Variants in ADGRA2 observed in about 807,000 individuals in gnomAD.
ADGRA2 encodes the protein G-protein coupled receptor 124.
ADGRA2 carries 61 observed loss-of-function variants against 98.7 expected under a neutral mutation model. The observed-to-expected ratio is 0.62, with a 90% CI of 0.50 to 0.76. The LOEUF is 0.76. Ranked by LOEUF, ADGRA2 falls within the 30% of genes least tolerant of loss-of-function variation. The pLI is 0.00. For synonymous variants in ADGRA2, 858 were observed against 831.5 expected (o/e 1.03, Z -0.55); for missense variants, 1,712 against 1,860.0 (o/e 0.92, Z 1.46).
chr8:37,825,188 C>T (rs1226530724), intron 2 of ADGRA2, among the ~76,000 whole-genome samples: 1 of 152,176 alleles, frequency 6.6e-6, no homozygotes, highest in East Asian at 1.9e-4. Flanking sequence ...CTTCCACAAG[C>T]TACTCTAGCT....
At chr8:37,817,604 G>C (rs889728712) in intron 2 of ADGRA2, among the ~76,000 whole-genome samples, 1 of 152,134 alleles carries the variant, frequency 6.6e-6, no homozygotes, top group African/African-American at 2.4e-5. Flanking sequence ...AGCTACTCAG[G>C]AGGCTGAGGT....
chr8:37,829,231 A>G (rs6468442), intron 3 of ADGRA2, 30 bp from the exon 4 acceptor site: 1,271,415 of 1,586,536 alleles, frequency 0.8, 511,766 homozygotes, highest in African/African-American at 0.95. Context: ...CCACGTGGCC[A>G]ACATGCTGAG....
rs1465612361 is a variant in ADGRA2 at position 37,834,329 on chromosome 8, TG to T, written c.1608+203del. On this transcript the variant is annotated intron_variant, in intron 11 of 18. Coordinates refer to ENST00000412232, the MANE Select transcript of ADGRA2 (RefSeq NM_032777.10). This position sits in a 1 kb window ranked among gnomAD's most constrained non-coding sequence, Gnocchi z 4.2. ...CCTGGAGAAGTGATGCCAGACTCCG[TG>T]GTGGGGAACTGAGCCAAAGGGCCAG... Among the ~76,000 whole-genome samples the T allele has an allele frequency of 1.3e-5, 2 of 151,942 alleles. No homozygotes were observed. The highest frequency in any genetic ancestry group is 4.8e-5 in the African/African-American group (2 of 41,352).
intron 1 of ADGRA2, among the ~76,000 whole-genome samples, chr8:37,812,205 A>G (rs913814167): frequency 6.6e-5 from 10 of 152,070 alleles, no homozygotes; most frequent in African/African-American, 2.4e-4. Context: ...GCTCTCTGTT[A>G]AAGAATTTGG....
rs781244617 is a variant in ADGRA2, at chr8:37,828,965, T to C, written c.410+6T>C. ...CTGGGGGAGCTGAAGCGTTTGTGAG[T>C]GGCACGCCCTCCCCTGACCCCACCC... On this transcript the variant is annotated splice_donor_region_variant and intron_variant, in intron 3 of 18. Transcript: ENST00000412232. The C allele has an allele frequency of 6.4e-7, 1 of 1,561,604 alleles. No homozygotes were observed. The highest frequency in any genetic ancestry group is 1.9e-5 in the Admixed American group (1 of 52,796).
At position 37,841,605 on chromosome 8, in the gene ADGRA2, C is replaced by T; in HGVS notation, c.3267C>T (p.Pro1089=). ...GCGCCTGCTGCCCCCCTGCCTCTCC[C>T]GCGGCCCCCCATGCCCCGCCCCGGG... ...SWRACCPPAS[P]AAPHAPPRAL... The change falls in exon 19 of 19, where the codon CCC becomes CCT. Residue 1089 remains proline, a synonymous_variant. Transcript: ENST00000412232. This position sits in a 1 kb window ranked among gnomAD's most constrained non-coding sequence, Gnocchi z 5.0. 6.4e-7 allele frequency: 1 copy of T among 1,563,894 alleles called. No homozygotes were observed. Among genetic ancestry groups the T allele is most frequent in the Non-Finnish European group, 8.7e-7 (1 of 1,154,912 alleles).
chr8:37,817,043 T>C (rs1805002320), intron 2 of ADGRA2, among the ~76,000 whole-genome samples: 1 of 150,312 alleles, frequency 6.7e-6, no homozygotes, highest in African/African-American at 2.5e-5. Flanking sequence ...TCACAGGTAA[T>C]GGAGACACAG....
rs201573429 is a variant in ADGRA2, at chr8:37,838,717, G to GCT, written c.2260-238_2260-237dup. On this transcript the variant is annotated intron_variant, in intron 14 of 18. Coordinates refer to ENST00000412232, the MANE Select transcript of ADGRA2 (RefSeq NM_032777.10). ...TTTCTCCTCATCTCTGGTTTTTCAG[G>GCT]CTGAGGGTGTGAAGAGTCCTCAGCA... is the stretch of plus-strand genomic sequence containing the variant. Among the ~76,000 whole-genome samples the GCT allele has an allele frequency of 3.4e-3, 512 of 152,228 alleles. 18 individuals are homozygous for GCT. In the East Asian group the frequency reaches 0.061, roughly 18 times the overall value.
rs578083947 is a variant in ADGRA2 at position 37,839,483 on chromosome 8, G to A, written c.2388-16G>A. On this transcript the variant is annotated splice_polypyrimidine_tract_variant and intron_variant, in intron 15 of 18. Transcript: ENST00000412232. ...TTGGGTTGGACGGCCATTAATTCGA[G>A]ACTGTTTCCGGGCAGCTCCATCCGT... is the stretch of plus-strand genomic sequence containing the variant. The A allele has an allele frequency of 1.2e-6, 2 of 1,613,920 alleles. No homozygotes were observed. The highest frequency in any genetic ancestry group is 1.7e-5 in the Admixed American group (1 of 59,990).
rs1805902778 is a variant in ADGRA2, at chr8:37,844,187, T to G, written c.*1832T>G. On this transcript the variant is annotated 3_prime_UTR_variant, in exon 19 of 19. Coordinates refer to ENST00000412232, the MANE Select transcript of ADGRA2 (RefSeq NM_032777.10). ...GAGGAGCCGCAGCAGTGTGTCCAAT[T>G]CAAACCAGCAGCAAAGAGCCTGACA... The G allele has an allele frequency of 2.7e-6, 1 of 369,766 alleles. No individual in the cohort carries two copies. Among genetic ancestry groups the G allele is most frequent in the Non-Finnish European group, 5.0e-6 (1 of 199,642 alleles). The allele number at this position is 369,766 out of a possible 1,614,324, so 22.9% of individuals were successfully genotyped here. A position where few individuals can be genotyped will look rare whatever the true frequency, so the allele number is the denominator to read the frequency against.
At chr8:37,840,872 C>CA in intron 18 of ADGRA2, 23 bp downstream of exon 18, 2 of 1,336,310 alleles carry the variant, frequency 1.5e-6, no homozygotes, top group Non-Finnish European at 2.1e-6. Flanking sequence ...CCCTCCCGCC[C>CA]CAAGCCTACC....
Position 37,830,658 on chromosome 8 carries a change from AGCCTCACATGCGTGTGCACTCGG to A in ADGRA2, c.719-44_719-22del. 1.5e-6 allele frequency: 1 copy of A among 689,168 alleles called. No homozygotes were observed. Among genetic ancestry groups the A allele is most frequent in the Admixed American group, 2.5e-5 (1 of 40,114 alleles). The allele number at this position is 689,168 out of a possible 1,614,324, so 42.7% of individuals were successfully genotyped here. A position where few individuals can be genotyped will look rare whatever the true frequency, so the allele number is the denominator to read the frequency against. ...CTGCTGGACTCTCGCTCACACGTGC[AGCCTCACATGCGTGTGCACTCGG>A]GCCTCACGCCTGGTGTCTCCTCCCA... On this transcript the variant is annotated intron_variant, in intron 6 of 18. Coordinates refer to ENST00000412232, the MANE Select transcript of ADGRA2 (RefSeq NM_032777.10). The surrounding 1 kb of genome is among the most constrained non-coding windows in gnomAD (Gnocchi z 4.8).
chr8:37,841,753 C>A lies in ADGRA2; in HGVS notation c.3415C>A (p.Leu1139Met), dbSNP rs1805803112. ...TCTGGGCCCCTGCAAGCTCACCAAC[C>A]TGCAGCTGGCCCAGAGTCAGGTGTG... is the stretch of plus-strand genomic sequence containing the variant. ...LALGPCKLTN[L>M]QLAQSQVCEA... is the part of the protein sequence containing the mutation. The change falls in exon 19 of 19, where the codon CTG (leucine) becomes ATG (methionine). Residue 1139 changes from leucine (L) to methionine (M), a missense_variant. Physicochemically the swap from Leu to Met is conservative, Grantham distance 15 (BLOSUM62 2). Coordinates refer to ENST00000412232, the MANE Select transcript of ADGRA2 (RefSeq NM_032777.10). The surrounding 1 kb of genome is among the most constrained non-coding windows in gnomAD (Gnocchi z 5.0). The A allele has an allele frequency of 6.5e-7, 1 of 1,540,336 alleles. No individual in the cohort carries two copies. Among genetic ancestry groups the A allele is most frequent in the Non-Finnish European group, 8.7e-7 (1 of 1,144,642 alleles).
Position 37,797,039 on chromosome 8 carries a change from GC to G in ADGRA2, c.-227del, listed in dbSNP as rs1804344406. 1.0e-5 allele frequency: 2 copies of G among 191,924 alleles called. No homozygotes were observed. The highest frequency in any genetic ancestry group is 1.4e-4 in the East Asian group (1 of 6,900). 11.9% of individuals were successfully genotyped at this position (191,924 alleles called of 1,614,324 possible). A position where few individuals can be genotyped will look rare whatever the true frequency, so the allele number is the denominator to read the frequency against. On this transcript the variant is annotated 5_prime_UTR_variant, in exon 1 of 19. The change abolishes the stop of an existing upstream ORF in the 5' untranslated region. Transcript: ENST00000412232. The surrounding 1 kb of genome is among the most constrained non-coding windows in gnomAD (Gnocchi z 5.3). ...GACTCCGGCCGCGCAGCTGGGAGCT[GC>G]CCGCGCTGCGCTGACAGCCGCGCCG...
intron 2 of ADGRA2, among the ~76,000 whole-genome samples, chr8:37,819,609 A>T (rs945477545): frequency 6.6e-6 from 1 of 152,050 alleles, no homozygotes; most frequent in Non-Finnish European, 1.5e-5. Context: ...TCACCTTGTG[A>T]TCCGCCCTCC....
Position 37,842,399 on chromosome 8 carries a change from T to C in ADGRA2, c.*44T>C. 7.0e-7 allele frequency: 1 copy of C among 1,429,048 alleles called. No individual in the cohort carries two copies. Among genetic ancestry groups the C allele is most frequent in the Non-Finnish European group, 9.2e-7 (1 of 1,092,888 alleles). 88.5% of individuals were successfully genotyped at this position (1,429,048 alleles called of 1,614,324 possible). A position where few individuals can be genotyped will look rare whatever the true frequency, so the allele number is the denominator to read the frequency against. On this transcript the variant is annotated 3_prime_UTR_variant, in exon 19 of 19. Coordinates refer to ENST00000412232, the MANE Select transcript of ADGRA2 (RefSeq NM_032777.10). ...GTAGACGGGCTGGCCACGCGGCTCG[T>C]TCCCCCGCTCCTCGGGGCCCTCCAA...
rs1805917290 is a variant in ADGRA2, at chr8:37,844,679, G to A, written c.*2324G>A. 1 of 1,614,142 alleles carries A rather than the reference G, an allele frequency of 6.2e-7. No individual in the cohort carries two copies. Among genetic ancestry groups the A allele is most frequent in the African/African-American group, 1.3e-5 (1 of 75,046 alleles). On this transcript the variant is annotated 3_prime_UTR_variant, in exon 19 of 19. Transcript: ENST00000412232. Reference sequence around the variant, plus strand: ...GGGACTTCAACATGCAGGGTGGCAAGAGAAGGGCAGGACTGGCCGGCCGCT... The same window carrying A: ...GGGACTTCAACATGCAGGGTGGCAAAAGAAGGGCAGGACTGGCCGGCCGCT...
rs886882854 is a variant in ADGRA2 at position 37,835,239 on chromosome 8, C to T, written c.1674C>T (p.Cys558=). The T allele has an allele frequency of 1.9e-6, 3 of 1,613,896 alleles. No homozygotes were observed. The African/African-American group carries it at 4.0e-5, about 22-fold the overall frequency. ...IKPHSYVGLT[C]TAFQRREGGV... is the part of the protein sequence containing the mutation. ...CGCACAGCTACGTGGGCCTGACCTGCACAGCCTTCCAGAGGAGGGAGGGAG... is the reference window on the plus strand; with the variant it reads ...CGCACAGCTACGTGGGCCTGACCTGTACAGCCTTCCAGAGGAGGGAGGGAG... Residue 558 remains cysteine (C), a synonymous_variant, in exon 12 of 19, where the codon TGC becomes TGT. Transcript: ENST00000412232.
In ADGRA2 at chr8:37,844,461, C is replaced by G. The variant is rs1461748180; in HGVS notation, c.*2106C>G. On this transcript the variant is annotated 3_prime_UTR_variant, in exon 19 of 19. Coordinates refer to ENST00000412232, the MANE Select transcript of ADGRA2 (RefSeq NM_032777.10). ...CAGGAATGTTATCAAGCTGTCAGAA[C>G]AGGATGAAGTGCTCCCAGTGGATAT... 1.2e-6 allele frequency: 2 copies of G among 1,603,510 alleles called. No individual in the cohort carries two copies. The highest frequency in any genetic ancestry group is 1.7e-6 in the Non-Finnish European group (2 of 1,174,136).
Sources: allele counts gnomAD v4.1 joint callset (sites outside exome capture counted in the v4.1 genomes callset), GRCh38; gene constraint gnomAD v4.1.1; non-coding constraint Gnocchi (gnomAD v3.1); transcripts MANE v1.5; gene names NCBI Gene and HGNC (gene_info 2026-07-23, HGNC 2026-07-21).